Variants in HMGCLL1 observed in about 807,000 individuals in gnomAD.
The protein encoded by HMGCLL1 is 3-hydroxy-3-methylglutaryl-CoA lyase like 1.
HMGCLL1 carries 36 observed loss-of-function variants against 39.1 expected under a neutral mutation model. That is an observed-to-expected ratio of 0.92 (90% CI 0.71 to 1.22). The LOEUF (loss-of-function observed/expected upper bound fraction) is 1.22. Among genes scored for constraint, HMGCLL1 ranks in the 50% most tolerant of loss-of-function variants. HMGCLL1 has a pLI of 0.00. For synonymous variants in HMGCLL1, 149 were observed against 144.0 expected (o/e 1.03, Z -0.25); for missense variants, 451 against 416.5 (o/e 1.08, Z -0.72).
intron 1 of HMGCLL1, among the ~76,000 whole-genome samples, chr6:55,577,363 A>T (rs570796894): frequency 2.4e-3 from 358 of 151,712 alleles, no homozygotes; most frequent in Non-Finnish European, 4.4e-3. Flanking sequence ...AAAAAAATTT[A>T]AAATCTGTAC....
At chr6:55,654,544 C>A in the HMGCLL1 span, among the ~76,000 whole-genome samples, 1 of 151,762 alleles carries the variant, frequency 6.6e-6, no homozygotes, top group Admixed American at 6.6e-5. Flanking sequence ...ATCTTCCTGG[C>A]AATTAAAAGT....
At chr6:55,609,437 G>A in the HMGCLL1 span, among the ~76,000 whole-genome samples, 1 of 152,238 alleles carries the variant, frequency 6.6e-6, no homozygotes, top group Admixed American at 6.5e-5. Flanking sequence ...CAGCCTTTTA[G>A]GCCAGACCCT....
At chr6:55,627,931 C>G in the HMGCLL1 span, among the ~76,000 whole-genome samples, 11 of 1,060 alleles carry the variant, frequency 0.01, 1 homozygote, top group Non-Finnish European at 0.01. Flanking sequence ...AATATATATA[C>G]TATATATATA....
At chr6:55,445,417 T>C (rs1763779598) in intron 7 of HMGCLL1, among the ~76,000 whole-genome samples, 1 of 152,052 alleles carries the variant, frequency 6.6e-6, no homozygotes, top group South Asian at 2.1e-4. Flanking sequence ...TGAAAAAAAC[T>C]AGGAAGAAAA....
At chr6:55,536,370 G>A (rs1298939891) in intron 3 of HMGCLL1, among the ~76,000 whole-genome samples, 1 of 152,106 alleles carries the variant, frequency 6.6e-6, no homozygotes, top group African/African-American at 2.4e-5. Context: ...TATATTTAAT[G>A]TATTTTTATT....
chr6:55,589,888 C>G, the HMGCLL1 span, among the ~76,000 whole-genome samples: 1 of 151,998 alleles, frequency 6.6e-6, no homozygotes. Context: ...AACCACTGCT[C>G]AACGAAATAA....
At chr6:55,448,058 C>G (rs1763931726) in intron 7 of HMGCLL1, among the ~76,000 whole-genome samples, 1 of 152,082 alleles carries the variant, frequency 6.6e-6, no homozygotes, top group Admixed American at 6.6e-5. Context: ...CACAAGTTAG[C>G]AACATTAGCA....
At chr6:55,484,157 AAAGCAG>A (rs1765884387) in intron 7 of HMGCLL1, among the ~76,000 whole-genome samples, 1 of 152,172 alleles carries the variant, frequency 6.6e-6, no homozygotes, top group South Asian at 2.1e-4. Context: ...CATAACTCCA[AAAGCAG>A]AAGCCATAAA....
chr6:55,674,362 A>G, the HMGCLL1 span, among the ~76,000 whole-genome samples: 1 of 151,656 alleles, frequency 6.6e-6, no homozygotes, highest in Non-Finnish European at 1.5e-5. Context: ...ATGCCTGTGG[A>G]TAGCCATGGG....
the HMGCLL1 span, among the ~76,000 whole-genome samples, chr6:55,609,613 G>A: frequency 5.2e-4 from 79 of 151,368 alleles, no homozygotes; most frequent in Non-Finnish European, 9.1e-4. Flanking sequence ...CTCTGAGGAA[G>A]CTGGGCAACC....
At chr6:55,665,751 A>C in the HMGCLL1 span, among the ~76,000 whole-genome samples, 1 of 151,870 alleles carries the variant, frequency 6.6e-6, no homozygotes, top group African/African-American at 2.4e-5. Context: ...TGTTAACTGA[A>C]TTGGTTACAT....
At chr6:55,665,199 A>C in the HMGCLL1 span, among the ~76,000 whole-genome samples, 1 of 151,730 alleles carries the variant, frequency 6.6e-6, no homozygotes, top group African/African-American at 2.4e-5. Context: ...CGATAATGCA[A>C]GAAAATTTTG....
chr6:55,643,771 G>C, the HMGCLL1 span, among the ~76,000 whole-genome samples: 1 of 151,854 alleles, frequency 6.6e-6, no homozygotes, highest in African/African-American at 2.4e-5. Context: ...CATCAACATG[G>C]TTGCAAATGA....
intron 3 of HMGCLL1, among the ~76,000 whole-genome samples, chr6:55,527,309 C>A (rs955261877): frequency 1.3e-5 from 2 of 152,004 alleles, no homozygotes; most frequent in African/African-American, 4.8e-5. Flanking sequence ...ATACAGATTT[C>A]TTGGACATAT....
At chr6:55,544,913 T>G (rs1769873318) in intron 1 of HMGCLL1, among the ~76,000 whole-genome samples, 1 of 152,122 alleles carries the variant, frequency 6.6e-6, no homozygotes, top group African/African-American at 2.4e-5. Flanking sequence ...TTCCTCAGCT[T>G]TAAACTCCAT....
At chr6:55,609,060 G>A in the HMGCLL1 span, among the ~76,000 whole-genome samples, 1 of 152,200 alleles carries the variant, frequency 6.6e-6, no homozygotes, top group Non-Finnish European at 1.5e-5. Flanking sequence ...TGCAACCCAC[G>A]GATCGAAAGA....
the HMGCLL1 span, among the ~76,000 whole-genome samples, chr6:55,634,423 A>T: frequency 1.3e-5 from 2 of 152,112 alleles, no homozygotes; most frequent in African/African-American, 2.4e-5. Context: ...ACTTGACTTT[A>T]GCACTCTTTC....
At chr6:55,651,292 T>C in the HMGCLL1 span, among the ~76,000 whole-genome samples, 1 of 152,042 alleles carries the variant, frequency 6.6e-6, no homozygotes, top group African/African-American at 2.4e-5. Context: ...TTAGACGAAG[T>C]GCAGCTCCAG....
chr6:55,470,460 T>C (rs1172825008), intron 7 of HMGCLL1, among the ~76,000 whole-genome samples: 1 of 151,950 alleles, frequency 6.6e-6, no homozygotes. Context: ...TTTTAAAATA[T>C]TGTAATTGAT....
Sources: gnomAD v4.1 joint callset for allele counts (sites outside exome capture counted in the v4.1 genomes callset) on GRCh38, gnomAD v4.1.1 for gene constraint, MANE v1.5 for transcripts, NCBI Gene and HGNC (gene_info 2026-07-23, HGNC 2026-07-21) for gene names.